RAB11B: variants seen among roughly 807,000 people sequenced by gnomAD.
The protein encoded by RAB11B is RAB11B, member RAS oncogene family, also known as ras-related protein Rab-11B.
RAB11B carries 7 observed loss-of-function variants against 23.7 expected under a neutral mutation model. That is an observed-to-expected ratio of 0.29 (90% CI 0.17 to 0.55). RAB11B has a LOEUF of 0.55. RAB11B is among the 20% of genes least tolerant of loss of function. RAB11B has a pLI of 0.93. For synonymous variants in RAB11B, 138 were observed against 132.0 expected (o/e 1.05, Z -0.31); for missense variants, 189 against 320.0 (o/e 0.59, Z 3.12).
chr19:8,399,147 G>A (rs1038569775), intron 1 of RAB11B, among the ~76,000 whole-genome samples: 1 of 152,004 alleles, frequency 6.6e-6, no homozygotes, highest in Non-Finnish European at 1.5e-5. Context: ...TGGAGATGGG[G>A]TTTCACCACG....
At chr19:8,391,291 G>A (rs1971350617) in intron 1 of RAB11B, among the ~76,000 whole-genome samples, 1 of 152,238 alleles carries the variant, frequency 6.6e-6, no homozygotes, top group South Asian at 2.1e-4. Flanking sequence ...CAGGCCACCT[G>A]TAGGCCTTAC....
At position 8,396,527 on chromosome 19, in the gene RAB11B, C is replaced by T. The variant is rs1971397556; in HGVS notation, c.41-3336C>T. Among the ~76,000 whole-genome samples, 1 of 152,016 alleles carries T rather than the reference C, an allele frequency of 6.6e-6. No individual in the cohort carries two copies. The highest frequency in any genetic ancestry group is 2.4e-5 in the African/African-American group (1 of 41,374). ...AGTTTTAGTAGCATAGCAGGGAGGGCCTTCTTGGCCAAGTGGCATTTAAGG... is the reference window on the plus strand; with the variant it reads ...AGTTTTAGTAGCATAGCAGGGAGGGTCTTCTTGGCCAAGTGGCATTTAAGG... On this transcript the variant is annotated intron_variant, in intron 1 of 4. Transcript: ENST00000328024. The surrounding 1 kb of genome is among the most constrained non-coding windows in gnomAD (Gnocchi z 5.0).
intron 1 of RAB11B, among the ~76,000 whole-genome samples, chr19:8,399,304 T>G (rs1599687125): frequency 1.3e-5 from 2 of 152,174 alleles, no homozygotes; most frequent in South Asian, 4.1e-4. Context: ...GCCAGGCTGG[T>G]CTCGAACTCC....
chr19:8,392,548 G>A (rs995888779), intron 1 of RAB11B, among the ~76,000 whole-genome samples: 2 of 152,094 alleles, frequency 1.3e-5, no homozygotes, highest in African/African-American at 4.8e-5. Context: ...ACCTTCTCAA[G>A]CTAGTTGGTA....
chr19:8,403,140 G>A (rs973718013), intron 4 of RAB11B, among the ~76,000 whole-genome samples: 1 of 152,192 alleles, frequency 6.6e-6, no homozygotes, highest in African/African-American at 2.4e-5. Flanking sequence ...GCGGGGAGGC[G>A]GGTAGCCTCA....
At chr19:8,395,137 G>A (rs1705317932) in intron 1 of RAB11B, among the ~76,000 whole-genome samples, 1 of 152,194 alleles carries the variant, frequency 6.6e-6, no homozygotes, top group Admixed American at 6.5e-5. Context: ...GTTAAGGTTG[G>A]TGGTGTAGAT....
intron 1 of RAB11B, 84 bp from the exon 2 acceptor site, chr19:8,399,779 A>G: frequency 6.7e-7 from 1 of 1,497,576 alleles, no homozygotes; most frequent in Admixed American, 1.8e-5. Context: ...GCGTTGGTGC[A>G]GCACCCAGGG....
In RAB11B at chr19:8,396,334, T is replaced by C. The variant is rs1971396236; in HGVS notation, c.41-3529T>C. On this transcript the variant is annotated intron_variant, in intron 1 of 4. Transcript: ENST00000328024. This position sits in a 1 kb window ranked among gnomAD's most constrained non-coding sequence, Gnocchi z 5.0. Reference sequence around the variant, plus strand: ...CCTTTTTGGCATTTTGTTTGTTCACTTGACAGACATTTTCTTGGGTGTTTA... The same window carrying C: ...CCTTTTTGGCATTTTGTTTGTTCACCTGACAGACATTTTCTTGGGTGTTTA... Among the ~76,000 whole-genome samples the C allele has an allele frequency of 6.6e-6, 1 of 152,212 alleles. No individual in the cohort carries two copies. Among genetic ancestry groups the C allele is most frequent in the Non-Finnish European group, 1.5e-5 (1 of 68,040 alleles).
In RAB11B at chr19:8,390,428, G is replaced by A. The variant is rs2913976; in HGVS notation, c.12G>A (p.Arg4=). The change falls in exon 1 of 5, where the codon CGG becomes CGA. Residue 4 remains arginine (R), a synonymous_variant. Transcript: ENST00000328024. MGT[R]DDEYDYLFKV... is the part of the protein sequence containing the mutation. ...GAAGCGCCAGGACAATGGGGACCCGGGACGACGAGTACGACTACCTATTCA... is the reference window on the plus strand; with the variant it reads ...GAAGCGCCAGGACAATGGGGACCCGAGACGACGAGTACGACTACCTATTCA... 7.5e-3 allele frequency: 11,478 copies of A among 1,526,692 alleles called. 65 individuals carry two copies. Among genetic ancestry groups the A allele is most frequent in the Non-Finnish European group, 8.9e-3 (10,166 of 1,141,568 alleles). The allele number at this position is 1,526,692 out of a possible 1,614,324, so 94.6% of individuals were successfully genotyped here.
chr19:8,391,408 G>A (rs1054815368), intron 1 of RAB11B, among the ~76,000 whole-genome samples: 8 of 152,270 alleles, frequency 5.3e-5, no homozygotes, highest in African/African-American at 1.9e-4. Context: ...GCCCCAGCCA[G>A]CCTGCTGGAG....
rs1174653541 is a variant in RAB11B, at chr19:8,403,693, G to C, written c.*135G>C. 11 of 1,283,470 alleles carry C rather than the reference G, an allele frequency of 8.6e-6. No homozygotes were observed. Among genetic ancestry groups the C allele is most frequent in the Non-Finnish European group, 1.2e-5 (11 of 956,164 alleles). The allele number at this position is 1,283,470 out of a possible 1,614,324, so 79.5% of individuals were successfully genotyped here. ...AGTGAGCTCTGCACGGCCGGGCCGGGGCCCAGGAAGGACAGGAGCCAGTGC... is the reference window on the plus strand; with the variant it reads ...AGTGAGCTCTGCACGGCCGGGCCGGCGCCCAGGAAGGACAGGAGCCAGTGC... On this transcript the variant is annotated 3_prime_UTR_variant, in exon 5 of 5. Transcript: ENST00000328024.
rs1186996809 is a variant in RAB11B, at chr19:8,393,070, G to A, written c.40+2614G>A. ...CGGCCAAGGCCAGCAGATCCCCCGGGTGATGCCCCGTGTGCCATTTGTTTT... is the reference window on the plus strand; with the variant it reads ...CGGCCAAGGCCAGCAGATCCCCCGGATGATGCCCCGTGTGCCATTTGTTTT... On this transcript the variant is annotated intron_variant, in intron 1 of 4. Transcript: ENST00000328024. 2.0e-5 allele frequency among the ~76,000 whole-genome samples: 3 copies of A among 151,616 alleles called. No individual in the cohort carries two copies. The East Asian group carries it at 5.8e-4, about 29-fold the overall frequency.
intron 1 of RAB11B, among the ~76,000 whole-genome samples, chr19:8,392,495 C>A (rs1189639627): frequency 6.6e-6 from 1 of 151,806 alleles, no homozygotes; most frequent in Admixed American, 6.6e-5. Context: ...GCTGCCCTCC[C>A]CACACTGGCC....
intron 1 of RAB11B, among the ~76,000 whole-genome samples, chr19:8,395,239 C>T (rs1346965270): frequency 2.7e-5 from 4 of 150,838 alleles, no homozygotes; most frequent in African/African-American, 7.3e-5. Flanking sequence ...CTGGGCCACA[C>T]GCCTACATTC....
At chr19:8,390,872 T>G (rs1971345320) in intron 1 of RAB11B, among the ~76,000 whole-genome samples, 1 of 136,342 alleles carries the variant, frequency 7.3e-6, no homozygotes, top group African/African-American at 2.8e-5. Context: ...GACCAATAGG[T>G]GGGTTGGGCC....
At chr19:8,395,876 G>A (rs1330618974) in intron 1 of RAB11B, among the ~76,000 whole-genome samples, 1 of 152,216 alleles carries the variant, frequency 6.6e-6, no homozygotes, top group African/African-American at 2.4e-5. Flanking sequence ...GAGTTGCGAA[G>A]GAAGAACTTG....
At chr19:8,393,022 C>T (rs1323349034) in intron 1 of RAB11B, among the ~76,000 whole-genome samples, 4 of 150,336 alleles carry the variant, frequency 2.7e-5, no homozygotes, top group Non-Finnish European at 5.9e-5. Flanking sequence ...GGCCACATCA[C>T]GCACTGGCTC....
In RAB11B at chr19:8,396,833, C is replaced by G. The variant is rs1000978014; in HGVS notation, c.41-3030C>G. ...CAGAGGAGGGAGGGAGGTGCCCTGG[C>G]TCGGCACTCACGGGCGCTCTCTGGT... On this transcript the variant is annotated intron_variant, in intron 1 of 4. Transcript: ENST00000328024. The surrounding 1 kb of genome is among the most constrained non-coding windows in gnomAD (Gnocchi z 5.0). 6.6e-6 allele frequency among the ~76,000 whole-genome samples: 1 copy of G among 152,058 alleles called. No individual in the cohort carries two copies. Among genetic ancestry groups the G allele is most frequent in the Non-Finnish European group, 1.5e-5 (1 of 68,002 alleles).
chr19:8,402,599 C>T (rs1175408572), intron 4 of RAB11B, 34 bp downstream of exon 4: 5 of 1,522,354 alleles, frequency 3.3e-6, no homozygotes, highest in South Asian at 1.1e-5. Context: ...GGGTAGGGCA[C>T]CAGCCAGGCA....
Sources: allele counts gnomAD v4.1 joint callset (sites outside exome capture counted in the v4.1 genomes callset), GRCh38; gene constraint gnomAD v4.1.1; non-coding constraint Gnocchi (gnomAD v3.1); transcripts MANE v1.5; gene names NCBI Gene and HGNC (gene_info 2026-07-23, HGNC 2026-07-21).